PHC3: variants seen among roughly 807,000 people sequenced by gnomAD.
PHC3 encodes the protein polyhomeotic homolog 3, also known as polyhomeotic-like protein 3.
Under a neutral mutation model 107.4 loss-of-function variants are expected in PHC3, and 13 were observed. The ratio of observed to expected loss-of-function variants is 0.12; its 90% CI spans 0.08 to 0.19. The LOEUF (loss-of-function observed/expected upper bound fraction) is 0.19, where lower values mean the gene tolerates loss of function less well. Ranked by LOEUF, PHC3 falls within the 10% of genes least tolerant of loss-of-function variation. PHC3 has a pLI of 1.00. For synonymous variants in PHC3, 456 were observed against 427.4 expected (o/e 1.07, Z -0.83); for missense variants, 992 against 1,210.9 (o/e 0.82, Z 2.68).
intron 12 of PHC3, among the ~76,000 whole-genome samples, chr3:170,105,752 T>C (rs1308242250): frequency 6.6e-6 from 1 of 152,214 alleles, no homozygotes; most frequent in Non-Finnish European, 1.5e-5. Flanking sequence ...AATTACCTTT[T>C]TGAACAGAGA....
chr3:170,106,794 T>C (rs1163248419), intron 12 of PHC3, 38 bp downstream of exon 12: 3 of 1,504,296 alleles, frequency 2.0e-6, no homozygotes, highest in Non-Finnish European at 2.7e-6. Context: ...CAATGGCTAT[T>C]TATCTGTCCT....
At chr3:170,126,110 C>T (rs958344460) in intron 8 of PHC3, 2 of 268,806 alleles carry the variant, frequency 7.4e-6, no homozygotes, top group Admixed American at 6.5e-5. Flanking sequence ...AAAAAACATA[C>T]TGATTTTACT....
At chr3:170,125,575 T>G (rs1404950776) in intron 8 of PHC3, among the ~76,000 whole-genome samples, 1 of 152,200 alleles carries the variant, frequency 6.6e-6, no homozygotes, top group East Asian at 1.9e-4. Flanking sequence ...AATCAAAGCT[T>G]GATCATACAT....
chr3:170,140,587 T>C (rs1210566676), intron 6 of PHC3, among the ~76,000 whole-genome samples: 1,206 of 112,284 alleles, frequency 0.011, 26 homozygotes, highest in African/African-American at 0.046. Flanking sequence ...TCTTTTTCTT[T>C]TTTTTTTTTT....
intron 6 of PHC3, among the ~76,000 whole-genome samples, chr3:170,137,401 C>A (rs552176758): frequency 7.9e-5 from 12 of 152,040 alleles, no homozygotes; most frequent in Non-Finnish European, 1.6e-4. Context: ...AGATTTATAA[C>A]CTTTCCAAAC....
chr3:170,089,140 CT>C lies in PHC3; in HGVS notation c.*8089del, dbSNP rs1713809868. The C allele has an allele frequency of 6.6e-6, 1 of 152,176 alleles. No homozygotes were observed. Among genetic ancestry groups the C allele is most frequent in the Non-Finnish European group, 1.5e-5 (1 of 68,032 alleles). The allele number at this position is 152,176 out of a possible 1,614,324, so 9.4% of individuals were successfully genotyped here. On this transcript the variant is annotated 3_prime_UTR_variant, in exon 15 of 15. Transcript: ENST00000495893. ...CAAGATCACACCGCTGCACTCAAGC[CT>C]GGGTGACAGTGAGACTCTGTCTCAA...
At position 170,136,604 on chromosome 3, in the gene PHC3, G is replaced by C; in HGVS notation, c.734C>G (p.Pro245Arg). Residue 245 changes from proline (P) to arginine (R), a missense_variant, in exon 7 of 15, where the codon CCA becomes CGA. Physicochemically the swap from Pro to Arg is moderately radical, Grantham distance 103. Transcript: ENST00000495893. ...CTGAGTTTGACTAGTGCTTTTTGGT[G>C]GACCATTCTGTGAGCTAGATAATAC... The part of the protein sequence containing the change: ...LGVLSSSQNG[P>R]PKSTSQTQSL... 1.9e-6 allele frequency: 3 copies of C among 1,613,552 alleles called. No individual in the cohort carries two copies. The highest frequency in any genetic ancestry group is 2.5e-6 in the Non-Finnish European group (3 of 1,179,740).
At chr3:170,148,078 G>T (rs573323753) in intron 5 of PHC3, 2 of 152,216 alleles carry the variant, frequency 1.3e-5, no homozygotes, top group African/African-American at 4.8e-5. Context: ...AGACCAGCCA[G>T]GCCAAGATGG....
In PHC3 at chr3:170,172,411, T is replaced by C. The variant is rs969139469; in HGVS notation, c.336+146A>G. On this transcript the variant is annotated intron_variant, in intron 3 of 14. Transcript: ENST00000495893. ...TCCCCTTTTTCTCAATTAACTTCTA[T>C]TCGGCAACCTATTAATATATTTCCT... 5 of 832,438 alleles carry C rather than the reference T, an allele frequency of 6.0e-6. No homozygotes were observed. The African/African-American group carries it at 8.7e-5, about 15-fold the overall frequency. 51.6% of individuals were successfully genotyped at this position (832,438 alleles called of 1,614,324 possible). A position where few individuals can be genotyped will look rare whatever the true frequency, so the allele number is the denominator to read the frequency against.
rs529061782 is a variant in PHC3 at position 170,162,611 on chromosome 3, A to C, written c.414+8762T>G. 1.1e-3 allele frequency among the ~76,000 whole-genome samples: 168 copies of C among 152,288 alleles called. 1 individual carries two copies. The highest frequency in any genetic ancestry group is 3.6e-3 in the African/African-American group (149 of 41,574). On this transcript the variant is annotated intron_variant, in intron 4 of 14. Transcript: ENST00000495893. ...CACCATCATGATCCAAATTGCCAATATCTCTCCATTTGAATTATTACAAGA... is the reference window on the plus strand; with the variant it reads ...CACCATCATGATCCAAATTGCCAATCTCTCTCCATTTGAATTATTACAAGA...
At chr3:170,163,255 TAA>T (rs541395748) in intron 4 of PHC3, among the ~76,000 whole-genome samples, 1,850 of 142,520 alleles carry the variant, frequency 0.013, 40 homozygotes, top group African/African-American at 0.045. Flanking sequence ...TAGAAAGTCA[TAA>T]AAAAAAAAAA....
intron 6 of PHC3, among the ~76,000 whole-genome samples, chr3:170,138,243 A>G (rs891801147): frequency 6.6e-6 from 1 of 152,144 alleles, no homozygotes. Context: ...GCTATACTTC[A>G]GGCCAAACTT....
intron 12 of PHC3, among the ~76,000 whole-genome samples, chr3:170,105,472 G>C (rs1366590256): frequency 6.6e-6 from 1 of 151,980 alleles, no homozygotes; most frequent in Non-Finnish European, 1.5e-5. Context: ...AAATTCCCTA[G>C]ATGTATGCAA....
Position 170,095,605 on chromosome 3 carries a change from A to G in PHC3, c.*1625T>C, listed in dbSNP as rs1366945931. On this transcript the variant is annotated 3_prime_UTR_variant, in exon 15 of 15. Transcript: ENST00000495893. ...CAGTGAAAATGACTGAAACTCACGG[A>G]CTCTTTTTTTCCCCTCCTTACTCGA... The G allele has an allele frequency of 6.6e-6, 1 of 151,888 alleles. No individual in the cohort carries two copies. The highest frequency in any genetic ancestry group is 2.4e-5 in the African/African-American group (1 of 41,374). 9.4% of individuals were successfully genotyped at this position (151,888 alleles called of 1,614,324 possible).
intron 4 of PHC3, among the ~76,000 whole-genome samples, chr3:170,152,749 T>G (rs1726215082): frequency 6.6e-6 from 1 of 150,970 alleles, no homozygotes; most frequent in Admixed American, 6.6e-5. Context: ...CAGCCCCAAT[T>G]TCCTAGACTC....
intron 7 of PHC3, among the ~76,000 whole-genome samples, chr3:170,130,400 A>G (rs1366801912): frequency 1.3e-5 from 2 of 152,180 alleles, no homozygotes; most frequent in South Asian, 2.1e-4. Flanking sequence ...GAGGGTATAT[A>G]TATCATTTGA....
intron 10 of PHC3, 27 bp from the exon 11 acceptor site, chr3:170,113,546 G>A (rs1335421539): frequency 6.4e-7 from 1 of 1,567,880 alleles, no homozygotes; most frequent in South Asian, 1.2e-5. Context: ...ATAATAAAAT[G>A]AAACAATCTC....
intron 14 of PHC3, among the ~76,000 whole-genome samples, chr3:170,099,740 T>C (rs1376786222): frequency 6.6e-6 from 1 of 152,308 alleles, no homozygotes; most frequent in South Asian, 2.1e-4. Flanking sequence ...CACAGTAAGG[T>C]TGGTGAAAAG....
At chr3:170,138,393 C>T (rs985316482) in intron 6 of PHC3, among the ~76,000 whole-genome samples, 3 of 151,786 alleles carry the variant, frequency 2.0e-5, no homozygotes, top group Non-Finnish European at 4.4e-5. Context: ...AAGTTTAACG[C>T]AAAAACAAAA....
Sources: gnomAD v4.1 joint callset for allele counts (sites outside exome capture counted in the v4.1 genomes callset) on GRCh38, gnomAD v4.1.1 for gene constraint, MANE v1.5 for transcripts, NCBI Gene and HGNC (gene_info 2026-07-23, HGNC 2026-07-21) for gene names.